C1orf174: variants seen among roughly 807,000 people sequenced by gnomAD.
C1orf174 encodes UPF0688 protein C1orf174.
Under a neutral mutation model 18.4 loss-of-function variants are expected in C1orf174, and 13 were observed. That is an observed-to-expected ratio of 0.71 (90% CI 0.46 to 1.12). The LOEUF is 1.12. C1orf174 is among the 50% of genes most tolerant of loss of function. The pLI is 0.00. For missense variants in C1orf174, 309 were observed against 308.0 expected (o/e 1.00, Z -0.02); for synonymous variants, 100 against 118.3 (o/e 0.85, Z 1.01).
rs1638470903 is a variant in C1orf174 at position 3,889,949 on chromosome 1, T to C, written c.*11A>G. On this transcript the variant is annotated 3_prime_UTR_variant, in exon 4 of 4. Coordinates refer to ENST00000361605, the MANE Select transcript of C1orf174 (RefSeq NM_207356.3). ...GTACTAAATACTCAAGGACATTATT[T>C]TGTATGGCCCCTACATTTCTGCATC... The C allele has an allele frequency of 1.2e-6, 2 of 1,607,984 alleles. No individual in the cohort carries two copies. Among genetic ancestry groups the C allele is most frequent in the African/African-American group, 2.7e-5 (2 of 74,786 alleles).
In C1orf174 at chr1:3,892,900, C is replaced by G. The variant is rs1638536878; in HGVS notation, c.112G>C (p.Ala38Pro). Residue 38 changes from alanine (A) to proline (P), a missense_variant, in exon 2 of 4, where the codon GCC becomes CCC. Ala to Pro is a conservative substitution (Grantham distance 27). Coordinates refer to ENST00000361605, the MANE Select transcript of C1orf174 (RefSeq NM_207356.3). ...SAQEVAGSTS[A>P]KTACLTSSSH... ...GGGCTCACCAGACATGCTGTCTTGG[C>G]AGACGTGGAACCAGCAACTTCCTGG... is the stretch of plus-strand genomic sequence containing the variant. 6.2e-7 allele frequency: 1 copy of G among 1,614,066 alleles called. No homozygotes were observed. Among genetic ancestry groups the G allele is most frequent in the African/African-American group, 1.3e-5 (1 of 74,936 alleles).
chr1:3,900,238 C>G lies in C1orf174; in HGVS notation c.-52G>C. ...GCGCGCCCCGGCCAACGCGTCCCGG[C>G]GGAGCGGCGACCCGGAGTCTGCAGA... On this transcript the variant is annotated 5_prime_UTR_variant, in exon 1 of 4. Transcript: ENST00000361605. 6.6e-7 allele frequency: 1 copy of G among 1,523,008 alleles called. No homozygotes were observed. The highest frequency in any genetic ancestry group is 8.7e-7 in the Non-Finnish European group (1 of 1,147,070). The allele number at this position is 1,523,008 out of a possible 1,614,324, so 94.3% of individuals were successfully genotyped here.
intron 2 of C1orf174, chr1:3,892,650 C>G: frequency 7.5e-7 from 1 of 1,339,040 alleles, no homozygotes; most frequent in Non-Finnish European, 9.7e-7. Flanking sequence ...GAGCCCGGGT[C>G]TAGACACACA....
chr1:3,891,669 A>G (rs910155255), intron 2 of C1orf174: 3 of 986,042 alleles, frequency 3.0e-6, no homozygotes, highest in Non-Finnish European at 2.4e-6. Flanking sequence ...TGGCTGGGCT[A>G]GGGTGAACGG....
chr1:3,897,910 GCCTCAGC>G (rs1638635899), intron 1 of C1orf174, among the ~76,000 whole-genome samples: 1 of 152,118 alleles, frequency 6.6e-6, no homozygotes, highest in African/African-American at 2.4e-5. Flanking sequence ...TGATCCGCCT[GCCTCAGC>G]CTCCCAAAGT....
intron 1 of C1orf174, among the ~76,000 whole-genome samples, chr1:3,897,093 G>A (rs1329932450): frequency 1.3e-5 from 2 of 152,260 alleles, no homozygotes; most frequent in Non-Finnish European, 2.9e-5. Context: ...TATCTAAAAT[G>A]TCAAAAAAAT....
At chr1:3,898,371 G>A (rs111228447) in intron 1 of C1orf174, among the ~76,000 whole-genome samples, 3,137 of 152,210 alleles carry the variant, frequency 0.021, 65 homozygotes, top group African/African-American at 0.048. Context: ...TTAGCCGGGC[G>A]TAGTGGCAGC....
At chr1:3,894,855 GCTGCGCCTCCGTCCT>G (rs1212492372) in intron 1 of C1orf174, among the ~76,000 whole-genome samples, 3 of 152,198 alleles carry the variant, frequency 2.0e-5, no homozygotes, top group Non-Finnish European at 4.4e-5. Flanking sequence ...CACACCGGGG[GCTGCGCCTCCGTCCT>G]CTCACAAGGG....
Position 3,890,554 on chromosome 1 carries a change from A to C in C1orf174, c.618+15T>G, listed in dbSNP as rs770649494. On this transcript the variant is annotated intron_variant, in intron 3 of 3. Coordinates refer to ENST00000361605, the MANE Select transcript of C1orf174 (RefSeq NM_207356.3). Reference sequence around the variant, plus strand: ...TGCCTGAGTACCCACGGGAGGAGGAAGGCGCCGCTCTTACCTGCATGAGCT... The same window carrying C: ...TGCCTGAGTACCCACGGGAGGAGGACGGCGCCGCTCTTACCTGCATGAGCT... 3 of 1,611,744 alleles carry C rather than the reference A, an allele frequency of 1.9e-6. No individual in the cohort carries two copies. The highest frequency in any genetic ancestry group is 2.5e-6 in the Non-Finnish European group (3 of 1,178,466).
intron 1 of C1orf174, among the ~76,000 whole-genome samples, chr1:3,899,751 C>A (rs1471476529): frequency 6.6e-6 from 1 of 152,192 alleles, no homozygotes; most frequent in Non-Finnish European, 1.5e-5. Flanking sequence ...GACCTGGGAG[C>A]CCCCTGTTGC....
intron 1 of C1orf174, chr1:3,895,563 G>C (rs1638592006): frequency 8.9e-6 from 1 of 112,778 alleles, no homozygotes; most frequent in African/African-American, 3.1e-5. Flanking sequence ...GGTGGGCCTG[G>C]AAGCGCTGGC....
At chr1:3,897,451 G>A (rs892760464) in intron 1 of C1orf174, among the ~76,000 whole-genome samples, 1 of 152,166 alleles carries the variant, frequency 6.6e-6, no homozygotes, top group African/African-American at 2.4e-5. Flanking sequence ...CTTGAAGACA[G>A]ATCGATAGAT....
At chr1:3,891,506 A>G in intron 2 of C1orf174, 1 of 813,100 alleles carries the variant, frequency 1.2e-6, no homozygotes, top group Non-Finnish European at 1.5e-6. Flanking sequence ...TATTTGTGAA[A>G]TTGACTTCGA....
intron 1 of C1orf174, among the ~76,000 whole-genome samples, chr1:3,898,837 A>C (rs1413620495): frequency 1.3e-5 from 2 of 152,376 alleles, no homozygotes; most frequent in East Asian, 1.9e-4. Flanking sequence ...CCACAGACAG[A>C]AAGTAATAAT....
chr1:3,890,750 G>A lies in C1orf174; in HGVS notation c.437C>T (p.Ala146Val), dbSNP rs751234275. 14 of 1,613,914 alleles carry A rather than the reference G, an allele frequency of 8.7e-6. No homozygotes were observed. Among genetic ancestry groups the A allele is most frequent in the South Asian group, 1.1e-5 (1 of 91,088 alleles). The change falls in exon 3 of 4, where the codon GCC (alanine) becomes GTC (valine). Residue 146 changes from alanine (A) to valine (V), a missense_variant. By Grantham distance (64) the Ala-to-Val change is moderately conservative. Transcript: ENST00000361605. ...GTTGGATTCTTCTGCTCCGGACCCG[G>A]CACTGTGTTTTGGCACGGACAGGCC... ...RDGLSVPKHS[A>V]GSGAEESNSS...
chr1:3,894,784 G>A (rs572585287), intron 1 of C1orf174, among the ~76,000 whole-genome samples: 34 of 152,242 alleles, frequency 2.2e-4, no homozygotes, highest in South Asian at 1.0e-3. Flanking sequence ...CAGGACGCCC[G>A]CCTGCTGTAC....
intron 1 of C1orf174, among the ~76,000 whole-genome samples, chr1:3,898,554 A>AC (rs35983096): frequency 7.9e-5 from 12 of 151,818 alleles, no homozygotes; most frequent in South Asian, 4.2e-4. Flanking sequence ...AACAACAACA[A>AC]AACTCACTTT....
chr1:3,889,877 C>A lies in C1orf174; in HGVS notation c.*83G>T. The A allele has an allele frequency of 8.2e-7, 1 of 1,224,620 alleles. No homozygotes were observed. The highest frequency in any genetic ancestry group is 1.2e-6 in the Non-Finnish European group (1 of 828,030). 75.9% of individuals were successfully genotyped at this position (1,224,620 alleles called of 1,614,324 possible). On this transcript the variant is annotated 3_prime_UTR_variant, in exon 4 of 4. Transcript: ENST00000361605. ...TGATTAAGACATTCTCTTGGAGATA[C>A]ATTTTATATAAATCTTGTAATGTGC...
chr1:3,898,705 T>C (rs547217309), intron 1 of C1orf174, among the ~76,000 whole-genome samples: 1 of 152,302 alleles, frequency 6.6e-6, no homozygotes, highest in African/African-American at 2.4e-5. Context: ...TCTACCTCCT[T>C]CTCTTAATTT....
Sources: allele counts gnomAD v4.1 joint callset (sites outside exome capture counted in the v4.1 genomes callset), GRCh38; gene constraint gnomAD v4.1.1; transcripts MANE v1.5; gene names NCBI Gene and HGNC (gene_info 2026-07-23, HGNC 2026-07-21).